SYNE2: variants seen among roughly 807,000 people sequenced by gnomAD.
The protein encoded by SYNE2 is spectrin repeat containing nuclear envelope protein 2, also known as nesprin-2.
Under a neutral mutation model 856.3 loss-of-function variants are expected in SYNE2, and 431 were observed. That is an observed-to-expected ratio of 0.50 (90% confidence interval 0.47 to 0.55). The LOEUF (loss-of-function observed/expected upper bound fraction) is 0.55, where lower values mean the gene tolerates loss of function less well. Among genes scored for constraint, SYNE2 ranks in the 20% least tolerant of loss-of-function variants. The probability of loss-of-function intolerance (pLI) is 0.00; values close to 1 mark genes in which losing one functional copy is unlikely to be tolerated. For missense variants in SYNE2, 8,129 were observed against 8,023.2 expected (o/e 1.01, Z -0.50); for synonymous variants, 2,923 against 2,872.3 (o/e 1.02, Z -0.56).
chr14:64,202,700 A>G (rs748755093), intron 99 of SYNE2, 101 bp from the exon 100 acceptor site: 37 of 1,483,818 alleles, frequency 2.5e-5, no homozygotes, highest in East Asian at 1.1e-4. Flanking sequence ...TTACCCTGCA[A>G]TGCTCTTACT....
At chr14:64,055,862 T>C (rs991761088) in intron 48 of SYNE2, 82 bp from the exon 49 acceptor site, 12 of 985,036 alleles carry the variant, frequency 1.2e-5, no homozygotes, top group Non-Finnish European at 1.9e-5. Flanking sequence ...ACATATTATC[T>C]ATGTACCACG....
At position 64,196,035 on chromosome 14, in the gene SYNE2, G is replaced by A. The variant is rs148828171; in HGVS notation, c.18038+5798G>A. On this transcript the variant is annotated intron_variant, in intron 99 of 115. Coordinates refer to ENST00000555002, the MANE Select transcript of SYNE2 (RefSeq NM_182914.3). ...AGGATAATGAGCAAGCGGCCTGATG[G>A]CCAGCATCAGGCAGGTCCAGTGTAC... Among the ~76,000 whole-genome samples, 4 of 152,290 alleles carry A rather than the reference G, an allele frequency of 2.6e-5. No individual in the cohort carries two copies. The East Asian group carries it at 7.7e-4, about 29-fold the overall frequency.
intron 114 of SYNE2, 36 bp from the exon 115 acceptor site, chr14:64,224,963 C>A: frequency 6.2e-7 from 1 of 1,601,504 alleles, no homozygotes; most frequent in South Asian, 1.1e-5. Context: ...ACTAAACTGT[C>A]TTCAACTTAC....
intron 65 of SYNE2, among the ~76,000 whole-genome samples, chr14:64,111,954 T>G (rs1480234314): frequency 2.0e-5 from 3 of 152,104 alleles, no homozygotes; most frequent in African/African-American, 7.2e-5. Context: ...AATAATAGAT[T>G]AATGAAGGCA....
At chr14:63,800,136 G>C (rs547432712) in intron 1 of SYNE2, among the ~76,000 whole-genome samples, 5 of 152,188 alleles carry the variant, frequency 3.3e-5, no homozygotes, top group Non-Finnish European at 7.3e-5. Flanking sequence ...TCTGTGACCT[G>C]TGTTATGTTT....
At chr14:63,867,381 T>TAAAA (rs561880955) in intron 1 of SYNE2, among the ~76,000 whole-genome samples, 4 of 129,488 alleles carry the variant, frequency 3.1e-5, no homozygotes, top group Non-Finnish European at 3.3e-5. Flanking sequence ...TTCCTCCTCT[T>TAAAA]AAAAAAAAAA....
At position 64,163,529 on chromosome 14, in the gene SYNE2, A is replaced by G; in HGVS notation, c.16427A>G (p.Gln5476Arg). The change falls in exon 89 of 116, where the codon CAG (glutamine) becomes CGG (arginine). Residue 5476 changes from glutamine to arginine, a missense_variant. Transcript: ENST00000555002. ...MLLPGPLHSL[Q>R]RAAYLEKMLL... ...CTCCCGGGCCCCCTGCACTCTCTCC[A>G]GAGGGCTGCTTATTTGGAAAAGATG... 6.2e-7 allele frequency: 1 copy of G among 1,614,164 alleles called. No individual in the cohort carries two copies. The highest frequency in any genetic ancestry group is 8.5e-7 in the Non-Finnish European group (1 of 1,180,040).
chr14:64,117,014 T>C (rs146735093), intron 66 of SYNE2, among the ~76,000 whole-genome samples: 1 of 152,316 alleles, frequency 6.6e-6, no homozygotes, highest in African/African-American at 2.4e-5. Flanking sequence ...GAAGAATCTA[T>C]AGAGGACATA....
chr14:64,138,891 T>C (rs888052004), intron 79 of SYNE2, among the ~76,000 whole-genome samples: 6 of 151,340 alleles, frequency 4.0e-5, no homozygotes, highest in East Asian at 1.9e-4. Context: ...TTTGTTGTTA[T>C]ACAGCTTATA....
intron 1 of SYNE2, among the ~76,000 whole-genome samples, chr14:63,842,156 CT>C (rs1890088529): frequency 6.7e-6 from 1 of 149,600 alleles, no homozygotes; most frequent in Non-Finnish European, 1.5e-5. Flanking sequence ...TTTTCTTCTT[CT>C]TTTTGTTTGT....
chr14:63,812,128 T>C (rs1183115601), intron 1 of SYNE2, among the ~76,000 whole-genome samples: 1 of 151,974 alleles, frequency 6.6e-6, no homozygotes, highest in Admixed American at 6.6e-5. Flanking sequence ...GAGACCAGGG[T>C]GTATTTCAGT....
At chr14:63,969,664 G>A (rs1457777645) in intron 11 of SYNE2, among the ~76,000 whole-genome samples, 1 of 151,700 alleles carries the variant, frequency 6.6e-6, no homozygotes, top group African/African-American at 2.4e-5. Context: ...TGGCTGAATA[G>A]TACTCCATTG....
At chr14:63,869,600 C>A (rs1170381229) in intron 1 of SYNE2, among the ~76,000 whole-genome samples, 5 of 133,664 alleles carry the variant, frequency 3.7e-5, no homozygotes, top group Non-Finnish European at 7.6e-5. Context: ...CGCGCCACTG[C>A]ACTTGAGCCT....
intron 2 of SYNE2, among the ~76,000 whole-genome samples, chr14:63,916,723 C>G (rs1007831231): frequency 1.3e-5 from 2 of 152,052 alleles, no homozygotes; most frequent in Admixed American, 1.3e-4. Context: ...TGAGAGAAGA[C>G]TCTGTTCTAC....
intron 47 of SYNE2, 113 bp from the exon 48 acceptor site, chr14:64,051,444 A>G (rs944360918): frequency 6.0e-5 from 62 of 1,042,002 alleles, no homozygotes; most frequent in Admixed American, 4.8e-4. Flanking sequence ...CAGACAGCCT[A>G]ATTTTTTCTG....
chr14:63,946,142 C>T (rs916272170), intron 6 of SYNE2, among the ~76,000 whole-genome samples: 5 of 152,072 alleles, frequency 3.3e-5, no homozygotes, highest in Admixed American at 3.3e-4. Flanking sequence ...ATATTCTAGG[C>T]TGGGTGCAGC....
intron 23 of SYNE2, among the ~76,000 whole-genome samples, chr14:63,995,457 C>A (rs1002639559): frequency 1.3e-5 from 2 of 152,138 alleles, no homozygotes; most frequent in Non-Finnish European, 2.9e-5. Flanking sequence ...TGTCCTCAGA[C>A]TCTGGTCACA....
intron 1 of SYNE2, among the ~76,000 whole-genome samples, chr14:63,885,976 G>C (rs1202687285): frequency 6.6e-6 from 1 of 152,172 alleles, no homozygotes; most frequent in African/African-American, 2.4e-5. Flanking sequence ...AATAGATGCT[G>C]ATTTTCTTAA....
Position 64,130,044 on chromosome 14 carries a change from T to A in SYNE2, c.14140-4T>A, listed in dbSNP as rs775386421. On this transcript the variant is annotated splice_region_variant and splice_polypyrimidine_tract_variant and intron_variant, in intron 75 of 115. Coordinates refer to ENST00000555002, the MANE Select transcript of SYNE2 (RefSeq NM_182914.3). The stretch of plus-strand genomic sequence containing the variant: ...CATGTGTGCACCTGCTCTTCTCTTT[T>A]CAGGATGTACTTGACAGTATGTGGG... 1.9e-6 allele frequency: 3 copies of A among 1,613,678 alleles called. No individual in the cohort carries two copies. Among genetic ancestry groups the A allele is most frequent in the South Asian group, 2.2e-5 (2 of 91,060 alleles).
Sources: allele counts gnomAD v4.1 joint callset (sites outside exome capture counted in the v4.1 genomes callset), GRCh38; gene constraint gnomAD v4.1.1; transcripts MANE v1.5; gene names NCBI Gene and HGNC (gene_info 2026-07-23, HGNC 2026-07-21).